The following XDH variants were observed in gnomAD, a reference collection of about 807,000 sequenced individuals.
XDH encodes xanthine dehydrogenase/oxidase.
A neutral mutation model predicts 156.1 loss-of-function variants in XDH; 138 were observed. That is an observed-to-expected ratio of 0.88 (90% confidence interval 0.77 to 1.02). The LOEUF (loss-of-function observed/expected upper bound fraction) is 1.02. Ranked by LOEUF, XDH falls within the 50% of genes least tolerant of loss-of-function variation. The probability of loss-of-function intolerance (pLI) is 0.00; values close to 1 mark genes in which losing one functional copy is unlikely to be tolerated. For synonymous variants in XDH, 669 were observed against 625.7 expected, an observed-to-expected ratio of 1.07 and a Z score of -1.03; for missense variants, 1,849 against 1,684.9, an observed-to-expected ratio of 1.10 and a Z score of -1.71.
chr2:31,374,952 A>G (rs1572541709), intron 15 of XDH, among the ~76,000 whole-genome samples: 1 of 140,508 alleles, frequency 7.1e-6, no homozygotes, highest in South Asian at 2.3e-4. Flanking sequence ...TTCCCATTCC[A>G]CCCTACATAC....
At chr2:31,378,078 G>GAA (rs1198412907) in intron 13 of XDH, among the ~76,000 whole-genome samples, 1 of 31,974 alleles carries the variant, frequency 3.1e-5, no homozygotes, top group Non-Finnish European at 5.3e-5. Flanking sequence ...AAGAAAGAAA[G>GAA]AAAGAAAGAA....
intron 6 of XDH, chr2:31,389,775 T>A (rs1558309251): frequency 1.3e-5 from 2 of 152,158 alleles, no homozygotes; most frequent in Admixed American, 1.3e-4. Context: ...AAGACTACAT[T>A]TTCTCATCCC....
At chr2:31,389,283 C>A (rs376785499) in intron 6 of XDH, among the ~76,000 whole-genome samples, 6 of 152,130 alleles carry the variant, frequency 3.9e-5, no homozygotes, top group African/African-American at 1.2e-4. Context: ...GGAGGTGTGA[C>A]CTTGGAGAAG....
rs1467464357 is a variant in XDH at position 31,389,095 on chromosome 2, T to A, written c.496-800A>T. On this transcript the variant is annotated intron_variant, in intron 6 of 35. Transcript: ENST00000379416. ...CTGGAGTTGTGCTGAGATGAAAAAG[T>A]AGGGGAAACTCATAGGTTCTGCCTC... 4.6e-5 allele frequency among the ~76,000 whole-genome samples: 7 copies of A among 152,250 alleles called. No homozygotes were observed. The East Asian group carries it at 1.4e-3, about 29-fold the overall frequency.
chr2:31,408,572 G>C (rs960214043), intron 1 of XDH, among the ~76,000 whole-genome samples: 1 of 152,200 alleles, frequency 6.6e-6, no homozygotes, highest in Admixed American at 6.6e-5. Flanking sequence ...TCCAAATAGA[G>C]TCAACAAACA....
chr2:31,352,088 T>G (rs958762940), intron 24 of XDH, among the ~76,000 whole-genome samples: 4 of 152,212 alleles, frequency 2.6e-5, no homozygotes, highest in African/African-American at 9.6e-5. Flanking sequence ...TCTCTGTTTT[T>G]TCCATTCTTT....
chr2:31,377,091 G>T lies in XDH; in HGVS notation c.1389C>A (p.Thr463=), dbSNP rs761794323. The part of the protein sequence containing the change: ...ALCYGGMANR[T]ISALKTTQRQ... ...TCTGAGTGGTCTTGAGGGCTGAGAT[G>T]GTTCTGTTGGCCATTCCACCATAGC... The change falls in exon 14 of 36, where the codon ACC becomes ACA. Residue 463 remains threonine (T), a synonymous_variant. Transcript: ENST00000379416. 1 of 1,614,100 alleles carries T rather than the reference G, an allele frequency of 6.2e-7. No individual in the cohort carries two copies. Among genetic ancestry groups the T allele is most frequent in the Non-Finnish European group, 8.5e-7 (1 of 1,180,010 alleles).
intron 15 of XDH, among the ~76,000 whole-genome samples, chr2:31,374,929 G>A (rs1039994517): frequency 6.6e-6 from 1 of 151,480 alleles, no homozygotes; most frequent in East Asian, 1.9e-4. Context: ...GGCTATTGCA[G>A]CCCCACCTGA....
Position 31,346,785 on chromosome 2 carries a change from C to G in XDH, c.3335G>C (p.Gly1112Ala), listed in dbSNP as rs1208778674. 1.2e-6 allele frequency: 2 copies of G among 1,614,150 alleles called. No homozygotes were observed. The highest frequency in any genetic ancestry group is 1.7e-6 in the Non-Finnish European group (2 of 1,180,034). ...LEPYKKKNPS[G>A]SWEDWVTAAY... is the part of the protein sequence containing the mutation. The stretch of plus-strand genomic sequence containing the variant: ...CAGACTTACCCAGTCTTCCCAGGAG[C>G]CACTGGGATTCTTCTTCTTGTAGGG... Residue 1112 changes from glycine (G) to alanine (A), a missense_variant, in exon 30 of 36, where the codon GGC becomes GCC. Coordinates refer to ENST00000379416, the MANE Select transcript of XDH (RefSeq NM_000379.4).
intron 12 of XDH, among the ~76,000 whole-genome samples, 164 bp from the exon 13 acceptor site, chr2:31,380,140 C>T (rs2148779234): frequency 6.6e-6 from 1 of 152,354 alleles, no homozygotes; most frequent in East Asian, 1.9e-4. Flanking sequence ...CTCTGAAATC[C>T]TTAAGCATCC....
intron 24 of XDH, among the ~76,000 whole-genome samples, chr2:31,355,459 G>A (rs958294788): frequency 4.6e-5 from 7 of 151,990 alleles, no homozygotes; most frequent in Non-Finnish European, 1.0e-4. Context: ...CTAAATGAAT[G>A]TAAAGAAAAT....
chr2:31,404,173 G>A (rs1259503020), intron 2 of XDH, among the ~76,000 whole-genome samples: 3 of 152,136 alleles, frequency 2.0e-5, no homozygotes, highest in African/African-American at 4.8e-5. Context: ...CCCCATCACA[G>A]CCATCGGACT....
chr2:31,343,216 A>C (rs1013052119), intron 31 of XDH, among the ~76,000 whole-genome samples: 1 of 149,476 alleles, frequency 6.7e-6, no homozygotes, highest in Admixed American at 6.7e-5. Flanking sequence ...AATTTATGAG[A>C]AAATGTGTTT....
At chr2:31,405,042 G>T (rs953822303) in intron 2 of XDH, among the ~76,000 whole-genome samples, 2 of 152,202 alleles carry the variant, frequency 1.3e-5, no homozygotes, top group Non-Finnish European at 2.9e-5. Flanking sequence ...TTGCCAGTGC[G>T]GGTGAGAGGT....
At chr2:31,395,860 C>T (rs140431210) in intron 6 of XDH, among the ~76,000 whole-genome samples, 5 of 152,150 alleles carry the variant, frequency 3.3e-5, no homozygotes, top group African/African-American at 1.2e-4. Flanking sequence ...AATAAAGACT[C>T]CTAAGCTGCT....
intron 10 of XDH, 69 bp downstream of exon 10, chr2:31,383,686 G>T: frequency 6.8e-7 from 1 of 1,474,316 alleles, no homozygotes; most frequent in Non-Finnish European, 9.3e-7. Flanking sequence ...CCTGATACCT[G>T]CCACCCACCT....
In XDH at chr2:31,377,248, T is replaced by C. The variant is rs750899482; in HGVS notation, c.1243-11A>G. The C allele has an allele frequency of 9.9e-6, 16 of 1,613,780 alleles. No individual in the cohort carries two copies. Among genetic ancestry groups the C allele is most frequent in the East Asian group, 2.2e-5 (1 of 44,866 alleles). ...TGAGAAATACTCCCCCTAAAAGAGA[T>C]CAGGAAGGTGCCTGTTTTCCACCTT... On this transcript the variant is annotated splice_polypyrimidine_tract_variant and intron_variant, in intron 13 of 35. Coordinates refer to ENST00000379416, the MANE Select transcript of XDH (RefSeq NM_000379.4).
intron 4 of XDH, among the ~76,000 whole-genome samples, chr2:31,399,289 A>G (rs1246771553): frequency 1.3e-5 from 2 of 152,192 alleles, no homozygotes; most frequent in African/African-American, 4.8e-5. Flanking sequence ...AGGGGAGGTC[A>G]AAGCTGAAGT....
In XDH at chr2:31,365,513, G is replaced by A. The variant is rs781137664; in HGVS notation, c.2488C>T (p.Arg830Cys). The change falls in exon 23 of 36, where the codon CGT (arginine) becomes TGT (cysteine). Residue 830 changes from arginine to cysteine, a missense_variant. Arg to Cys is a radical substitution (Grantham distance 180). Transcript: ENST00000379416. Reference sequence around the variant, plus strand: ...CCAGTTATCAGCATGTCCTCATCACGGTCCAGCATGCATCGCACAGGGCGG... The same window carrying A: ...CCAGTTATCAGCATGTCCTCATCACAGTCCAGCATGCATCGCACAGGGCGG... The part of the protein sequence containing the change: ...TGRPVRCMLD[R>C]DEDMLITGGR... 2.3e-5 allele frequency: 37 copies of A among 1,613,996 alleles called. No homozygotes were observed. The highest frequency in any genetic ancestry group is 1.3e-4 in the South Asian group (12 of 91,078).
Sources: gnomAD v4.1 joint callset for allele counts (sites outside exome capture counted in the v4.1 genomes callset) on GRCh38, gnomAD v4.1.1 for gene constraint, MANE v1.5 for transcripts, NCBI Gene and HGNC (gene_info 2026-07-23, HGNC 2026-07-21) for gene names.